APOM: variants seen among roughly 807,000 people sequenced by gnomAD.
APOM encodes apolipoprotein M, also known as NG20-like protein.
In APOM, 24 loss-of-function variants were observed where a neutral mutation model predicts 23.5. The ratio of observed to expected loss-of-function variants is 1.02; its 90% confidence interval spans 0.74 to 1.44. The LOEUF is 1.44. APOM is among the 40% of genes most tolerant of loss of function. APOM has a pLI of 0.00. For synonymous variants in APOM, 82 were observed against 84.1 expected (o/e 0.97, Z 0.14); for missense variants, 200 against 233.2 (o/e 0.86, Z 0.93).
intron 2 of APOM, among the ~76,000 whole-genome samples, chr6:31,656,865 G>A (rs1800131865): frequency 6.6e-6 from 1 of 152,208 alleles, no homozygotes; most frequent in African/African-American, 2.4e-5. Context: ...AGCCGGGACA[G>A]GCCAGACGTG....
chr6:31,658,084 AAC>A lies in APOM; in HGVS notation c.563_564del (p.Asn188MetfsTer7). On this transcript the variant is annotated frameshift_variant, in exon 6 of 6. Coordinates refer to ENST00000375916, the MANE Select transcript of APOM (RefSeq NM_019101.3). LOFTEE classifies it high-confidence loss of function. Reference sequence around the variant, plus strand: ...CACAGAGGCCTGTGAGCTGTCCAATAACTGACCTGTAACTTCATCTAAGTCCC... The same window carrying A: ...CACAGAGGCCTGTGAGCTGTCCAATATGACCTGTAACTTCATCTAAGTCCC... Reference protein sequence around the residue: ...RNQEACELSNN With the variant: ...RNQEACELSNX 6.2e-7 allele frequency: 1 copy of A among 1,613,958 alleles called. No individual in the cohort carries two copies. The highest frequency in any genetic ancestry group is 2.2e-5 in the East Asian group (1 of 44,872).
Position 31,658,058 on chromosome 6 carries a change from T to A in APOM, c.542-6T>A. 6.2e-7 allele frequency: 1 copy of A among 1,614,100 alleles called. No homozygotes were observed. Among genetic ancestry groups the A allele is most frequent in the African/African-American group, 1.3e-5 (1 of 75,008 alleles). On this transcript the variant is annotated splice_polypyrimidine_tract_variant and splice_region_variant and intron_variant, in intron 5 of 5. Transcript: ENST00000375916. ...CTGTCCTTCTTTTTCCCTCCCCCCATCACAGAGGCCTGTGAGCTGTCCAAT... is the reference window on the plus strand; with the variant it reads ...CTGTCCTTCTTTTTCCCTCCCCCCAACACAGAGGCCTGTGAGCTGTCCAAT...
At chr6:31,657,983 C>T (rs1367621714) in intron 5 of APOM, 81 bp from the exon 6 acceptor site, 2 of 1,408,816 alleles carry the variant, frequency 1.4e-6, no homozygotes, top group Non-Finnish European at 2.0e-6. Context: ...AGAACACGTT[C>T]TCCCCCACCC....
chr6:31,657,278 G>C lies in APOM; in HGVS notation c.323G>C (p.Ser108Thr). 1 of 1,613,076 alleles carries C rather than the reference G, an allele frequency of 6.2e-7. No homozygotes were observed. The highest frequency in any genetic ancestry group is 8.5e-7 in the Non-Finnish European group (1 of 1,180,010). The change falls in exon 3 of 6, where the codon AGC becomes ACC. Residue 108 changes from serine to threonine, a missense_variant. Transcript: ENST00000375916. ...TGGATCTACCACCTGACTGAAGGGA[G>C]CACAGATCTCAGAACTGAAGGTTGG... ...RKWIYHLTEG[S>T]TDLRTEGRPD...
At position 31,657,375 on chromosome 6, in the gene APOM, G is replaced by T. The variant is rs752514173; in HGVS notation, c.344-5G>T. The stretch of plus-strand genomic sequence containing the variant: ...TTCTCATACTTCTCCCACCTGCCTT[G>T]ACAGGCCGCCCTGACATGAAGACTG... On this transcript the variant is annotated splice_region_variant and splice_polypyrimidine_tract_variant and intron_variant, in intron 3 of 5. Coordinates refer to ENST00000375916, the MANE Select transcript of APOM (RefSeq NM_019101.3). 6.2e-7 allele frequency: 1 copy of T among 1,613,014 alleles called. No individual in the cohort carries two copies. The highest frequency in any genetic ancestry group is 2.2e-5 in the East Asian group (1 of 44,886).
chr6:31,654,999 T>C (rs538218620), upstream of APOM, among the ~76,000 whole-genome samples: 129 of 152,326 alleles, frequency 8.5e-4, no homozygotes, highest in Non-Finnish European at 2.6e-4. Context: ...TGGAGTGCAG[T>C]GGCACAATCA....
At chr6:31,653,863 T>C (rs1799482645), upstream of APOM, among the ~76,000 whole-genome samples, 1 of 152,090 alleles carries the variant, frequency 6.6e-6, no homozygotes, top group African/African-American at 2.4e-5. Context: ...TTTATAGAGA[T>C]GGGGTCTTGC....
chr6:31,655,079 C>T (rs1001781736), upstream of APOM, among the ~76,000 whole-genome samples: 2 of 152,306 alleles, frequency 1.3e-5, no homozygotes, highest in East Asian at 3.9e-4. Context: ...GTAGCTGGGA[C>T]TACAGGCGTG....
intron 5 of APOM, 156 bp from the exon 6 acceptor site, chr6:31,657,908 G>T (rs1312487896): frequency 2.1e-6 from 2 of 959,964 alleles, no homozygotes; most frequent in Non-Finnish European, 3.3e-6. Flanking sequence ...CTGGATAAAG[G>T]GGGCAGAGGG....
At chr6:31,653,271 A>T (rs1283060803), upstream of APOM, among the ~76,000 whole-genome samples, 4 of 152,174 alleles carry the variant, frequency 2.6e-5, no homozygotes, top group Non-Finnish European at 4.4e-5. Flanking sequence ...TGGGGAATTT[A>T]AAGGCCGGCC....
In APOM at chr6:31,657,674, G is replaced by A. The variant is rs753280583; in HGVS notation, c.492G>A (p.Leu164=). 9.9e-6 allele frequency: 16 copies of A among 1,613,066 alleles called. No individual in the cohort carries two copies. In the Admixed American group the frequency reaches 2.2e-4, roughly 22 times the overall value. ...AGTGTGTGGAGGAATTCAAGTCCCT[G>A]ACTTCCTGCCTGGACTCCAAAGCCT... ...PEKCVEEFKS[L]TSCLDSKAFL... is the part of the protein sequence containing the mutation. Residue 164 remains leucine (L), a synonymous_variant, in exon 5 of 6, where the codon CTG becomes CTA. Coordinates refer to ENST00000375916, the MANE Select transcript of APOM (RefSeq NM_019101.3).
rs751457547 is a variant in APOM at position 31,657,649 on chromosome 6, A to T, written c.467A>T (p.Lys156Met). ...LYNRSPHPPE[K>M]CVEEFKSLTS... ...GATCGCTCACCACATCCTCCCGAAA[A>T]GTGTGTGGAGGAATTCAAGTCCCTG... The change falls in exon 5 of 6, where the codon AAG becomes ATG. Residue 156 changes from lysine to methionine, a missense_variant. Transcript: ENST00000375916. 26 of 1,613,026 alleles carry T rather than the reference A, an allele frequency of 1.6e-5. No individual in the cohort carries two copies. The highest frequency in any genetic ancestry group is 2.1e-5 in the Non-Finnish European group (25 of 1,180,014).
intron 1 of APOM, 140 bp from the exon 2 acceptor site, chr6:31,656,332 T>C: frequency 1.0e-6 from 1 of 985,692 alleles, no homozygotes; most frequent in Admixed American, 2.5e-5. Flanking sequence ...TGACTCTTTG[T>C]CATGGATCCA....
chr6:31,656,633 GGT>G lies in APOM; in HGVS notation c.269+8_269+9del, dbSNP rs539278132. Reference sequence around the variant, plus strand: ...TTCGTGCTACCATCCGCATGTGAGTGGTAAGGAGGCAGAAGCATCACTGGGTT... The same window carrying G: ...TTCGTGCTACCATCCGCATGTGAGTGAAGGAGGCAGAAGCATCACTGGGTT... On this transcript the variant is annotated splice_region_variant and intron_variant, in intron 2 of 5. Transcript: ENST00000375916. The G allele has an allele frequency of 6.2e-7, 1 of 1,612,656 alleles. No homozygotes were observed. The highest frequency in any genetic ancestry group is 8.5e-7 in the Non-Finnish European group (1 of 1,179,238).
At chr6:31,655,353 T>C (rs1799931848), upstream of APOM, 1 of 152,328 alleles carries the variant, frequency 6.6e-6, no homozygotes, top group Non-Finnish European at 1.5e-5. Flanking sequence ...CAGTGAACAC[T>C]GCCAGGGTAT....
intron 1 of APOM, 123 bp from the exon 2 acceptor site, chr6:31,656,347 CCA>C: frequency 9.3e-7 from 1 of 1,070,222 alleles, no homozygotes; most frequent in Non-Finnish European, 1.4e-6. Context: ...GATCCAATCC[CCA>C]GTTGGAAAGA....
At position 31,656,508 on chromosome 6, in the gene APOM, G is replaced by T. The variant is rs750526321; in HGVS notation, c.151G>T (p.Ala51Ser). Residue 51 changes from alanine to serine, a missense_variant, in exon 2 of 6, where the codon GCA (alanine) becomes TCA (serine). Physicochemically the swap from Ala to Ser is moderately conservative, Grantham distance 99 (BLOSUM62 1). Coordinates refer to ENST00000375916, the MANE Select transcript of APOM (RefSeq NM_019101.3). ...CCACTTGGGCCAGTGGTACTTTATC[G>T]CAGGGGCAGCTCCCACCAAGGAGGA... Reference protein sequence around the residue: ...EVHLGQWYFIAGAAPTKEELA... With the variant: ...EVHLGQWYFISGAAPTKEELA... 1 of 1,613,852 alleles carries T rather than the reference G, an allele frequency of 6.2e-7. No homozygotes were observed. The highest frequency in any genetic ancestry group is 1.3e-5 in the African/African-American group (1 of 74,842).
chr6:31,658,063 G>A lies in APOM; in HGVS notation c.542-1G>A. 1 of 1,613,976 alleles carries A rather than the reference G, an allele frequency of 6.2e-7. No homozygotes were observed. The highest frequency in any genetic ancestry group is 8.5e-7 in the Non-Finnish European group (1 of 1,179,994). On this transcript the variant is annotated splice_acceptor_variant, in intron 5 of 5. Coordinates refer to ENST00000375916, the MANE Select transcript of APOM (RefSeq NM_019101.3). LOFTEE classifies it high-confidence loss of function. Reference sequence around the variant, plus strand: ...CTTCTTTTTCCCTCCCCCCATCACAGAGGCCTGTGAGCTGTCCAATAACTG... The same window carrying A: ...CTTCTTTTTCCCTCCCCCCATCACAAAGGCCTGTGAGCTGTCCAATAACTG...
chr6:31,653,322 C>A (rs948869199), upstream of APOM, among the ~76,000 whole-genome samples: 2 of 152,182 alleles, frequency 1.3e-5, no homozygotes, highest in African/African-American at 4.8e-5. Context: ...ATTACCGCCT[C>A]TCCGTGCCCT....
Sources: gnomAD v4.1 joint callset for allele counts (sites outside exome capture counted in the v4.1 genomes callset) on GRCh38, gnomAD v4.1.1 for gene constraint, MANE v1.5 for transcripts, NCBI Gene and HGNC (gene_info 2026-07-23, HGNC 2026-07-21) for gene names.